The following EPM2A variants were observed in gnomAD, a reference collection of about 807,000 sequenced individuals.
The protein encoded by EPM2A is EPM2A glucan phosphatase, laforin.
In EPM2A, 21 loss-of-function variants were observed where a neutral mutation model predicts 26.5. The ratio of observed to expected loss-of-function variants is 0.79; its 90% CI spans 0.56 to 1.14. The LOEUF is 1.14. Ranked by LOEUF, EPM2A falls within the 50% of genes most tolerant of loss-of-function variation. EPM2A has a pLI of 0.00. For missense variants in EPM2A, 458 were observed against 440.8 expected, an observed-to-expected ratio of 1.04 and a Z score of -0.35; for synonymous variants, 217 against 177.6, an observed-to-expected ratio of 1.22 and a Z score of -1.76.
chr6:145,522,173 C>T (rs140677807), intron 2 of EPM2A, among the ~76,000 whole-genome samples: 4 of 152,100 alleles, frequency 2.6e-5, no homozygotes, highest in South Asian at 2.1e-4. Flanking sequence ...AGGATGGTCT[C>T]GATCTCCTGA....
chr6:145,510,238 GACC>G (rs1427961374), intron 2 of EPM2A, among the ~76,000 whole-genome samples: 1 of 152,090 alleles, frequency 6.6e-6, no homozygotes, highest in Non-Finnish European at 1.5e-5. Context: ...TGACCAACTA[GACC>G]TAATAGACTT....
chr6:145,610,518 T>C (rs1338727633), intron 2 of EPM2A, among the ~76,000 whole-genome samples: 1 of 152,238 alleles, frequency 6.6e-6, no homozygotes, highest in African/African-American at 2.4e-5. Context: ...CTAAGCTACT[T>C]TCTATGTATT....
intron 2 of EPM2A, among the ~76,000 whole-genome samples, chr6:145,574,860 T>A (rs1781008755): frequency 6.6e-6 from 1 of 152,216 alleles, no homozygotes; most frequent in Non-Finnish European, 1.5e-5. Flanking sequence ...CAACTCTATG[T>A]TCCTTCCACC....
At chr6:145,427,965 TG>T (rs1261506683) in intron 4 of EPM2A, among the ~76,000 whole-genome samples, 1 of 152,076 alleles carries the variant, frequency 6.6e-6, no homozygotes, top group East Asian at 1.9e-4. Flanking sequence ...AACAGGAAAA[TG>T]TATCCCATTA....
chr6:145,665,079 C>A (rs1274014755), intron 2 of EPM2A, among the ~76,000 whole-genome samples: 4 of 72,614 alleles, frequency 5.5e-5, no homozygotes, highest in African/African-American at 2.2e-4. Context: ...CCAAAATTGA[C>A]ACCCTAACAT....
chr6:145,518,250 T>A (rs1780156210), intron 2 of EPM2A, among the ~76,000 whole-genome samples: 2 of 152,196 alleles, frequency 1.3e-5, no homozygotes. Context: ...ATTGCTGTTT[T>A]ATGTTCTCAG....
At chr6:145,722,930 C>T (rs1384710048) in intron 1 of EPM2A, among the ~76,000 whole-genome samples, 1 of 152,148 alleles carries the variant, frequency 6.6e-6, no homozygotes, top group Admixed American at 6.6e-5. Flanking sequence ...ACTCTGACGG[C>T]ACCTTCATTT....
chr6:145,541,527 A>G lies in EPM2A; in HGVS notation c.341-38952T>C, dbSNP rs541093454. 3.9e-5 allele frequency among the ~76,000 whole-genome samples: 6 copies of G among 152,262 alleles called. No homozygotes were observed. The South Asian group carries it at 1.0e-3, about 26-fold the overall frequency. ...AAAAAATTAATGATTTTGTAAGTAC[A>G]TTACCTCATTTTCAACAAATGCTTC... On this transcript the variant is annotated intron_variant, in intron 2 of 3. Coordinates refer to the EPM2A transcript ENST00000450221.
chr6:145,444,046 A>G (rs979343583), intron 4 of EPM2A, among the ~76,000 whole-genome samples: 6 of 152,170 alleles, frequency 3.9e-5, no homozygotes, highest in African/African-American at 9.7e-5. Context: ...GTAAAAATGG[A>G]CTAATGCACA....
intron 2 of EPM2A, among the ~76,000 whole-genome samples, chr6:145,658,574 C>A (rs1051770561): frequency 2.6e-5 from 4 of 151,988 alleles, no homozygotes; most frequent in Admixed American, 2.6e-4. Flanking sequence ...TCACTGAATA[C>A]CAGATGAAAG....
intron 2 of EPM2A, among the ~76,000 whole-genome samples, chr6:145,587,615 T>C (rs545360376): frequency 2.0e-5 from 3 of 152,336 alleles, no homozygotes; most frequent in East Asian, 1.9e-4. Flanking sequence ...CAGAAGGGAC[T>C]CATTTTCTCA....
chr6:145,589,126 G>A (rs1175609760), intron 2 of EPM2A, among the ~76,000 whole-genome samples: 1 of 152,056 alleles, frequency 6.6e-6, no homozygotes, highest in Non-Finnish European at 1.5e-5. Flanking sequence ...AAATAATCTT[G>A]CCAGAAAGAA....
At chr6:145,424,133 G>A (rs769189290) in intron 4 of EPM2A, among the ~76,000 whole-genome samples, 55 of 152,264 alleles carry the variant, frequency 3.6e-4, no homozygotes, top group Non-Finnish European at 5.3e-4. Context: ...CGACCAGTCC[G>A]ACCACACTTG....
chr6:145,681,341 T>C (rs1451985256), intron 2 of EPM2A, among the ~76,000 whole-genome samples: 1 of 151,422 alleles, frequency 6.6e-6, no homozygotes, highest in Non-Finnish European at 1.5e-5. Context: ...ATTCTGTAGG[T>C]TGCCTGTTCA....
intron 4 of EPM2A, among the ~76,000 whole-genome samples, chr6:145,481,486 A>C (rs1779610867): frequency 6.6e-6 from 1 of 152,046 alleles, no homozygotes. Flanking sequence ...AGCTTATTAA[A>C]TGCTAGGTTT....
chr6:145,518,071 T>C (rs1780153623), intron 2 of EPM2A, among the ~76,000 whole-genome samples: 1 of 152,202 alleles, frequency 6.6e-6, no homozygotes, highest in African/African-American at 2.4e-5. Context: ...ATGCAATGTT[T>C]CTCCAAAGGG....
At chr6:145,722,810 A>G (rs1490296027) in intron 1 of EPM2A, 3 of 443,526 alleles carry the variant, frequency 6.8e-6, no homozygotes, top group Non-Finnish European at 1.4e-5. Flanking sequence ...ATTTGGGCAC[A>G]GAGACAAAAA....
chr6:145,550,233 C>T (rs1197533941), intron 2 of EPM2A, among the ~76,000 whole-genome samples: 2 of 152,002 alleles, frequency 1.3e-5, no homozygotes, highest in African/African-American at 4.8e-5. Flanking sequence ...ATCCCCTTCC[C>T]AGGAATTTTA....
intron 4 of EPM2A, among the ~76,000 whole-genome samples, chr6:145,453,501 C>A (rs750421090): frequency 1.6e-3 from 236 of 151,484 alleles, no homozygotes; most frequent in Non-Finnish European, 2.0e-3. Flanking sequence ...GAAAAAAAAA[C>A]CAAACAAACA....
Sources: allele counts gnomAD v4.1 joint callset (sites outside exome capture counted in the v4.1 genomes callset), GRCh38; gene constraint gnomAD v4.1.1; transcripts MANE v1.5; gene names NCBI Gene and HGNC (gene_info 2026-07-23, HGNC 2026-07-21).